CLTB: variants seen among roughly 807,000 people sequenced by gnomAD.
CLTB encodes clathrin light chain B.
In CLTB, 10 loss-of-function variants were observed where a neutral mutation model predicts 30.5. That is an observed-to-expected ratio of 0.33 (90% confidence interval 0.20 to 0.56). The LOEUF (loss-of-function observed/expected upper bound fraction) is 0.56. Ranked by LOEUF, CLTB falls within the 20% of genes least tolerant of loss-of-function variation. The probability of loss-of-function intolerance (pLI) is 0.91; values close to 1 mark genes in which losing one functional copy is unlikely to be tolerated. For synonymous variants in CLTB, 102 were observed against 120.3 expected (o/e 0.85, Z 1.00); for missense variants, 261 against 308.3 (o/e 0.85, Z 1.15).
Position 176,392,615 on chromosome 5 carries a change from C to A in CLTB, c.*159G>T. On this transcript the variant is annotated 3_prime_UTR_variant, in exon 6 of 6. Transcript: ENST00000310418. The surrounding 1 kb of genome is among the most constrained non-coding windows in gnomAD (Gnocchi z 5.2). ...ACCAGAGGGCCAGGAGGGAGCGAGGCGTGATGGGGTGAGGGCCCCCCTCCC... is the reference window on the plus strand; with the variant it reads ...ACCAGAGGGCCAGGAGGGAGCGAGGAGTGATGGGGTGAGGGCCCCCCTCCC... 1.4e-6 allele frequency: 1 copy of A among 734,988 alleles called. No individual in the cohort carries two copies. Among genetic ancestry groups the A allele is most frequent in the South Asian group, 1.8e-5 (1 of 56,378 alleles). The allele number at this position is 734,988 out of a possible 1,614,324, so 45.5% of individuals were successfully genotyped here.
intron 5 of CLTB, among the ~76,000 whole-genome samples, chr5:176,394,502 T>C (rs890222308): frequency 1.3e-5 from 2 of 151,686 alleles, no homozygotes; most frequent in Non-Finnish European, 2.9e-5. Context: ...TGAAACCCCA[T>C]CTCTACTAAA....
At chr5:176,403,663 A>T (rs1756954823) in intron 2 of CLTB, among the ~76,000 whole-genome samples, 1 of 151,574 alleles carries the variant, frequency 6.6e-6, no homozygotes, top group East Asian at 2.0e-4. Flanking sequence ...CATCTTGTCC[A>T]GGCTGGTCTT....
At position 176,397,994 on chromosome 5, in the gene CLTB, C is replaced by G. The variant is rs1463403015; in HGVS notation, c.288G>C (p.Leu96=). 6.2e-7 allele frequency: 1 copy of G among 1,614,006 alleles called. No individual in the cohort carries two copies. Among genetic ancestry groups the G allele is most frequent in the Non-Finnish European group, 8.5e-7 (1 of 1,180,058 alleles). The change falls in exon 3 of 6, where the codon CTG becomes CTC. Residue 96 remains leucine, a synonymous_variant. Coordinates refer to ENST00000310418, the MANE Select transcript of CLTB (RefSeq NM_007097.5). ...TGCGGATGCTCTCAGGCTCCTGGGTCAGCCTGTCAGCCTGGGCAATGGCTG... is the reference window on the plus strand; with the variant it reads ...TGCGGATGCTCTCAGGCTCCTGGGTGAGCCTGTCAGCCTGGGCAATGGCTG... ...GYAAIAQADR[L]TQEPESIRKW...
At chr5:176,414,432 CT>C (rs59452988) in intron 1 of CLTB, among the ~76,000 whole-genome samples, 56,779 of 134,554 alleles carry the variant, frequency 0.42, 11,226 homozygotes, top group African/African-American at 0.5. Context: ...GCTATAGAAT[CT>C]TTTTTTTTTT....
At chr5:176,399,517 G>A (rs1230026777) in intron 2 of CLTB, among the ~76,000 whole-genome samples, 1 of 152,206 alleles carries the variant, frequency 6.6e-6, no homozygotes, top group African/African-American at 2.4e-5. Flanking sequence ...CAAGGCAGGA[G>A]GATCACTTGA....
chr5:176,413,689 C>T (rs955059362), intron 1 of CLTB, among the ~76,000 whole-genome samples: 1 of 152,230 alleles, frequency 6.6e-6, no homozygotes, highest in Admixed American at 6.5e-5. Flanking sequence ...CTGCCCCATC[C>T]AGGCTCCTGG....
Position 176,416,174 on chromosome 5 carries a change from C to A in CLTB, c.187+3G>T. ...CCCCTCTCCAGGCCCCGCGCTGACT[C>A]ACCCCCACTCGTGGGGCCCGGCTGC... On this transcript the variant is annotated splice_donor_region_variant and intron_variant, in intron 1 of 5. Transcript: ENST00000310418. 6.4e-7 allele frequency: 1 copy of A among 1,573,880 alleles called. No homozygotes were observed. The highest frequency in any genetic ancestry group is 1.8e-5 in the Admixed American group (1 of 55,444).
At chr5:176,402,796 C>T (rs1394848604) in intron 2 of CLTB, among the ~76,000 whole-genome samples, 2 of 152,128 alleles carry the variant, frequency 1.3e-5, no homozygotes, top group East Asian at 3.9e-4. Flanking sequence ...TGCTGGAACA[C>T]AGTTCAGATA....
chr5:176,392,588 G>A lies in CLTB; in HGVS notation c.*186C>T, dbSNP rs1307406071. ...AGACTGAGAGGAGGCGTGAGGGGCTGGACCAGAGGGCCAGGAGGGAGCGAG... is the reference window on the plus strand; with the variant it reads ...AGACTGAGAGGAGGCGTGAGGGGCTAGACCAGAGGGCCAGGAGGGAGCGAG... On this transcript the variant is annotated 3_prime_UTR_variant, in exon 6 of 6. Transcript: ENST00000310418. The surrounding 1 kb of genome is among the most constrained non-coding windows in gnomAD (Gnocchi z 5.2). 2.0e-5 allele frequency: 12 copies of A among 613,368 alleles called. No individual in the cohort carries two copies. In the Admixed American group the frequency reaches 2.3e-4, roughly 12 times the overall value. 38.0% of individuals were successfully genotyped at this position (613,368 alleles called of 1,614,324 possible).
chr5:176,394,926 GTATTCCA>G (rs1756447045), intron 5 of CLTB, among the ~76,000 whole-genome samples: 2 of 152,108 alleles, frequency 1.3e-5, no homozygotes, highest in Non-Finnish European at 2.9e-5. Context: ...GCCCCCTGTG[GTATTCCA>G]CAGCACCCAT....
chr5:176,397,621 GTTC>G lies in CLTB; in HGVS notation c.447_449del (p.Lys149del). The G allele has an allele frequency of 6.2e-7, 1 of 1,601,402 alleles. No homozygotes were observed. The highest frequency in any genetic ancestry group is 1.7e-4 in the Middle Eastern group (1 of 6,032). On this transcript the variant is annotated inframe_deletion, in exon 4 of 6. Transcript: ENST00000310418. ...AGCCCTCTCACCGGTTGTTGATCTT[GTTC>G]TTCTCTACTTGTTCACTCTGGCGCT...
At chr5:176,397,872 C>T (rs1414063156) in intron 3 of CLTB, 58 bp downstream of exon 3, 2 of 1,523,692 alleles carry the variant, frequency 1.3e-6, no homozygotes, top group Non-Finnish European at 9.1e-7. Context: ...CGAGGACTCC[C>T]CACACTCCAC....
intron 2 of CLTB, chr5:176,405,684 G>A (rs1159297632): frequency 6.6e-5 from 10 of 152,022 alleles, no homozygotes; most frequent in Admixed American, 6.6e-4. Context: ...ACAAGTAGCT[G>A]GGTACACAGG....
intron 2 of CLTB, 103 bp from the exon 3 acceptor site, chr5:176,398,150 A>G: frequency 1.0e-6 from 1 of 990,866 alleles, no homozygotes; most frequent in Non-Finnish European, 1.6e-6. Flanking sequence ...CTCAGCCTCA[A>G]ACAACCTCAT....
In CLTB at chr5:176,416,283, G is replaced by A. The variant is rs780888569; in HGVS notation, c.81C>T (p.Phe27=). 6.2e-5 allele frequency: 100 copies of A among 1,606,184 alleles called. No homozygotes were observed. The highest frequency in any genetic ancestry group is 7.6e-5 in the Non-Finnish European group (89 of 1,177,572). The change falls in exon 1 of 6, where the codon TTC becomes TTT. Residue 27 remains phenylalanine (F), a synonymous_variant. Coordinates refer to ENST00000310418, the MANE Select transcript of CLTB (RefSeq NM_007097.5). ...EAAEEDPAAA[F]LAQQESEIAG... ...CAATCTCGCTCTCCTGCTGGGCCAG[G>A]AAGGCGGCCGCCGGGTCCTCCTCCG...
At position 176,403,101 on chromosome 5, in the gene CLTB, G is replaced by A. The variant is rs1186964612; in HGVS notation, c.235-5054C>T. ...GTCTCGCTCTGTCGCCCAGGCTGGA[G>A]TGCAGTGTCAGGATCTCGGCTCACT... On this transcript the variant is annotated intron_variant, in intron 2 of 5. Coordinates refer to ENST00000310418, the MANE Select transcript of CLTB (RefSeq NM_007097.5). Among the ~76,000 whole-genome samples the A allele has an allele frequency of 2.0e-5, 3 of 149,518 alleles. No homozygotes were observed. In the Admixed American group the frequency reaches 2.0e-4, roughly 10 times the overall value.
At chr5:176,403,846 G>A (rs998087227) in intron 2 of CLTB, among the ~76,000 whole-genome samples, 11 of 152,256 alleles carry the variant, frequency 7.2e-5, no homozygotes, top group African/African-American at 1.9e-4. Context: ...TGAAACCTCC[G>A]CCTTTCCGGG....
chr5:176,412,929 T>A (rs908767322), intron 1 of CLTB, among the ~76,000 whole-genome samples: 9 of 152,084 alleles, frequency 5.9e-5, no homozygotes, highest in African/African-American at 2.2e-4. Context: ...GTCTGTACAT[T>A]TGGCCTTCTC....
intron 2 of CLTB, among the ~76,000 whole-genome samples, chr5:176,398,851 CT>C (rs972211826): frequency 2.0e-5 from 3 of 151,020 alleles, no homozygotes; most frequent in Admixed American, 6.6e-5. Context: ...CAAGACCTCA[CT>C]TTTTTTTTGA....
Sources: gnomAD v4.1 joint callset for allele counts (sites outside exome capture counted in the v4.1 genomes callset) on GRCh38, gnomAD v4.1.1 for gene constraint, Gnocchi (gnomAD v3.1) non-coding constraint, MANE v1.5 for transcripts, NCBI Gene and HGNC (gene_info 2026-07-23, HGNC 2026-07-21) for gene names.